UST: variants seen among roughly 807,000 people sequenced by gnomAD.
The protein encoded by UST is uronyl 2-sulfotransferase.
In UST, 21 loss-of-function variants were observed where a neutral mutation model predicts 45.6. The observed-to-expected ratio is 0.46, with a 90% CI of 0.33 to 0.66. The LOEUF is 0.66. UST is among the 30% of genes least tolerant of loss of function. The probability of loss-of-function intolerance (pLI) is 0.02; values close to 1 mark genes in which losing one functional copy is unlikely to be tolerated. For synonymous variants in UST, 215 were observed against 200.6 expected (o/e 1.07, Z -0.61); for missense variants, 463 against 512.4 (o/e 0.90, Z 0.93).
chr6:148,798,249 T>C (rs1355133341), intron 1 of UST, among the ~76,000 whole-genome samples: 1 of 152,172 alleles, frequency 6.6e-6, no homozygotes. Flanking sequence ...ACAGCTCAGC[T>C]TTGAGCTTCC....
At chr6:148,985,777 C>T (rs1248566248) in intron 5 of UST, among the ~76,000 whole-genome samples, 1 of 152,058 alleles carries the variant, frequency 6.6e-6, no homozygotes, top group Non-Finnish European at 1.5e-5. Context: ...GAACCTAAAG[C>T]GCAAGGAGAT....
At chr6:148,840,303 G>A (rs982303851) in intron 1 of UST, among the ~76,000 whole-genome samples, 5 of 152,120 alleles carry the variant, frequency 3.3e-5, no homozygotes, top group African/African-American at 1.2e-4. Flanking sequence ...CAGACCCTCA[G>A]CCCCATGTGA....
chr6:148,941,648 A>G (rs1437616273), intron 3 of UST, among the ~76,000 whole-genome samples: 1 of 152,250 alleles, frequency 6.6e-6, no homozygotes, highest in Non-Finnish European at 1.5e-5. Context: ...GGATACTTCC[A>G]TTAGGACTGA....
At chr6:148,870,184 T>C (rs1402879167) in intron 1 of UST, among the ~76,000 whole-genome samples, 3 of 150,480 alleles carry the variant, frequency 2.0e-5, no homozygotes, top group African/African-American at 7.4e-5. Context: ...TTGCTGTGTA[T>C]ACCACCCTGG....
intron 7 of UST, among the ~76,000 whole-genome samples, chr6:149,069,347 G>T (rs1776786792): frequency 6.6e-6 from 1 of 152,034 alleles, no homozygotes; most frequent in South Asian, 2.1e-4. Context: ...GTTCTAATTG[G>T]CATTCCCACC....
At chr6:148,854,721 A>G (rs138737479) in intron 1 of UST, among the ~76,000 whole-genome samples, 179 of 152,284 alleles carry the variant, frequency 1.2e-3, no homozygotes, top group African/African-American at 4.2e-3. Context: ...TGAAGTTCAC[A>G]TATGGATGGG....
chr6:148,882,349 G>A (rs1778837241), intron 1 of UST, among the ~76,000 whole-genome samples: 2 of 152,060 alleles, frequency 1.3e-5, no homozygotes, highest in African/African-American at 4.8e-5. Context: ...AGCTGGGCAT[G>A]TTGGCGGGTG....
intron 1 of UST, among the ~76,000 whole-genome samples, chr6:148,872,008 A>G (rs1182101242): frequency 2.0e-5 from 3 of 152,078 alleles, no homozygotes; most frequent in African/African-American, 7.2e-5. Flanking sequence ...GTGGTGTACT[A>G]TATCTATGGT....
At chr6:149,057,228 G>A (rs1439690286) in intron 7 of UST, among the ~76,000 whole-genome samples, 1 of 152,178 alleles carries the variant, frequency 6.6e-6, no homozygotes, top group African/African-American at 2.4e-5. Context: ...GTCATCATGT[G>A]GTGTAATTTG....
At chr6:148,973,868 G>A (rs1277264481) in intron 5 of UST, among the ~76,000 whole-genome samples, 1 of 152,176 alleles carries the variant, frequency 6.6e-6, no homozygotes, top group Non-Finnish European at 1.5e-5. Context: ...AATTCTAATT[G>A]CGAGTACTTA....
chr6:148,954,804 G>A (rs1361291132), intron 4 of UST, among the ~76,000 whole-genome samples: 1 of 152,242 alleles, frequency 6.6e-6, no homozygotes, highest in African/African-American at 2.4e-5. Context: ...TCCAGCAGCT[G>A]TGGTCTTCTG....
intron 1 of UST, among the ~76,000 whole-genome samples, chr6:148,865,517 A>G (rs1384139992): frequency 6.6e-6 from 1 of 152,066 alleles, no homozygotes; most frequent in African/African-American, 2.4e-5. Context: ...GTTTAATATA[A>G]AGAATGTTTT....
At chr6:148,993,434 A>T (rs1476379866) in intron 5 of UST, among the ~76,000 whole-genome samples, 1 of 151,498 alleles carries the variant, frequency 6.6e-6, no homozygotes, top group Non-Finnish European at 1.5e-5. Context: ...TTTAAACCAA[A>T]CTAGCATCCT....
At chr6:148,836,675 C>G (rs1471260895) in intron 1 of UST, among the ~76,000 whole-genome samples, 1 of 152,148 alleles carries the variant, frequency 6.6e-6, no homozygotes, top group Admixed American at 6.5e-5. Flanking sequence ...ATGTGCCACT[C>G]TTTAAGACTT....
rs570158406 is a variant in UST, at chr6:148,790,984, C to A, written c.247+43307C>A. The stretch of plus-strand genomic sequence containing the variant: ...GTTAAAGGTGCACGCGTTAGTGAAA[C>A]CTCGCAACACATCAGTGACCAGGGT... On this transcript the variant is annotated intron_variant, in intron 1 of 7. Coordinates refer to ENST00000367463, the MANE Select transcript of UST (RefSeq NM_005715.3). This position sits in a 1 kb window ranked among gnomAD's most constrained non-coding sequence, Gnocchi z 4.2. 6.6e-6 allele frequency among the ~76,000 whole-genome samples: 1 copy of A among 152,350 alleles called. No homozygotes were observed. Among genetic ancestry groups the A allele is most frequent in the Admixed American group, 6.5e-5 (1 of 15,308 alleles).
intron 2 of UST, among the ~76,000 whole-genome samples, chr6:148,924,639 G>C (rs1334305425): frequency 1.3e-5 from 2 of 152,200 alleles, no homozygotes. Flanking sequence ...ATACGTTAGT[G>C]TGGGGGGACA....
intron 1 of UST, among the ~76,000 whole-genome samples, chr6:148,843,361 T>A (rs941266606): frequency 2.6e-5 from 4 of 152,192 alleles, no homozygotes; most frequent in African/African-American, 4.8e-5. Flanking sequence ...CCTGAAAAAA[T>A]ATATTTTTAA....
rs113659426 is a variant in UST at position 148,995,500 on chromosome 6, A to G, written c.682-23639A>G. Among the ~76,000 whole-genome samples, 313 of 152,298 alleles carry G rather than the reference A, an allele frequency of 2.1e-3. 1 individual carries two copies. The highest frequency in any genetic ancestry group is 7.2e-3 in the African/African-American group (298 of 41,572). On this transcript the variant is annotated intron_variant, in intron 5 of 7. Transcript: ENST00000367463. The stretch of plus-strand genomic sequence containing the variant: ...TCTTCTGTGTTCTAGTCGCATTACA[A>G]ACTCTACTTGTTCCTTATCTACTAG...
chr6:148,877,725 G>A (rs1430871771), intron 1 of UST, among the ~76,000 whole-genome samples: 5 of 116,570 alleles, frequency 4.3e-5, no homozygotes, highest in African/African-American at 4.0e-5. Context: ...GAGTGGGGTG[G>A]TCGTGTATGA....
Sources: gnomAD v4.1 joint callset for allele counts (sites outside exome capture counted in the v4.1 genomes callset) on GRCh38, gnomAD v4.1.1 for gene constraint, Gnocchi (gnomAD v3.1) non-coding constraint, MANE v1.5 for transcripts, NCBI Gene and HGNC (gene_info 2026-07-23, HGNC 2026-07-21) for gene names.